NCKAP5: variants seen among roughly 807,000 people sequenced by gnomAD.
NCKAP5 encodes nck-associated protein 5.
In NCKAP5, 92 loss-of-function variants were observed where a neutral mutation model predicts 167.0. The observed-to-expected ratio is 0.55, with a 90% CI of 0.47 to 0.66. The LOEUF (loss-of-function observed/expected upper bound fraction) is 0.66. Ranked by LOEUF, NCKAP5 falls within the 30% of genes least tolerant of loss-of-function variation. NCKAP5 has a pLI of 0.00. For missense variants in NCKAP5, 2,378 were observed against 2,315.0 expected (o/e 1.03, Z -0.56); for synonymous variants, 891 against 877.4 (o/e 1.02, Z -0.27).
intron 5 of NCKAP5, among the ~76,000 whole-genome samples, chr2:133,207,044 G>A (rs958384018): frequency 1.3e-5 from 2 of 152,048 alleles, no homozygotes; most frequent in East Asian, 1.9e-4. Flanking sequence ...GGACATAGAC[G>A]CTCATCAGTA....
chr2:133,445,338 CT>C (rs1691127766), intron 3 of NCKAP5, among the ~76,000 whole-genome samples: 1 of 152,170 alleles, frequency 6.6e-6, no homozygotes, highest in African/African-American at 2.4e-5. Flanking sequence ...AAAGCAACTA[CT>C]TTTTGGGCAA....
the NCKAP5 span, among the ~76,000 whole-genome samples, chr2:133,645,187 A>G: frequency 5.9e-5 from 9 of 152,236 alleles, no homozygotes; most frequent in African/African-American, 2.2e-4. Context: ...AAGCAAAAGA[A>G]AATTAAAGGA....
At chr2:133,392,600 C>T (rs1687487160) in intron 3 of NCKAP5, among the ~76,000 whole-genome samples, 1 of 152,034 alleles carries the variant, frequency 6.6e-6, no homozygotes, top group Non-Finnish European at 1.5e-5. Context: ...TATTTCACAA[C>T]CTAGAACAAT....
intron 2 of NCKAP5, among the ~76,000 whole-genome samples, chr2:133,533,464 T>C (rs1685522062): frequency 6.6e-6 from 1 of 152,232 alleles, no homozygotes; most frequent in Non-Finnish European, 1.5e-5. Context: ...TTCCTCTTTC[T>C]CTAAAGTTTG....
Position 133,466,551 on chromosome 2 carries a change from G to T in NCKAP5, c.69+50907C>A, listed in dbSNP as rs1393257897. Among the ~76,000 whole-genome samples, 61 of 151,406 alleles carry T rather than the reference G, an allele frequency of 4.0e-4. 1 individual carries two copies. The East Asian group carries it at 4.3e-3, about 11-fold the overall frequency. ...GTTTTTTCCAATTCTGTGAAGAAAG[G>T]CATTGGTAGCTTGATGGGGATGGCA... On this transcript the variant is annotated intron_variant, in intron 3 of 19. Transcript: ENST00000409261.
chr2:133,151,853 G>T (rs1248676194), intron 5 of NCKAP5, among the ~76,000 whole-genome samples: 1 of 152,096 alleles, frequency 6.6e-6, no homozygotes, highest in African/African-American at 2.4e-5. Flanking sequence ...TGTAATTGTA[G>T]CTACTCAGGA....
At chr2:132,847,956 T>C (rs1688794209) in intron 11 of NCKAP5, among the ~76,000 whole-genome samples, 1 of 152,226 alleles carries the variant, frequency 6.6e-6, no homozygotes, top group Non-Finnish European at 1.5e-5. Flanking sequence ...ATGTAAATAT[T>C]CTTCAGAAAC....
At chr2:133,059,903 GT>G (rs1252331347) in intron 6 of NCKAP5, among the ~76,000 whole-genome samples, 2 of 151,454 alleles carry the variant, frequency 1.3e-5, no homozygotes, top group Non-Finnish European at 2.9e-5. Flanking sequence ...AGAAATGACT[GT>G]TTTACTTTGA....
At chr2:133,153,833 C>CTTTTTTTTT (rs570596198) in intron 5 of NCKAP5, among the ~76,000 whole-genome samples, 9 of 109,744 alleles carry the variant, frequency 8.2e-5, no homozygotes, top group East Asian at 2.7e-4. Flanking sequence ...GTTCCTCCTT[C>CTTTTTTTTT]TTTTTTTTTT....
intron 19 of NCKAP5, among the ~76,000 whole-genome samples, chr2:132,712,612 A>G (rs1361883832): frequency 6.6e-6 from 1 of 152,170 alleles, no homozygotes; most frequent in Non-Finnish European, 1.5e-5. Flanking sequence ...AGATTGTGCC[A>G]CTGCACTCCA....
intron 2 of NCKAP5, among the ~76,000 whole-genome samples, chr2:133,526,082 A>G (rs1684845397): frequency 1.3e-5 from 2 of 151,900 alleles, no homozygotes. Context: ...TATATTCTAT[A>G]CCTATTTTGT....
intron 6 of NCKAP5, among the ~76,000 whole-genome samples, chr2:133,111,876 A>C (rs6712988): frequency 0.26 from 39,080 of 152,002 alleles, 5,953 homozygotes; most frequent in East Asian, 0.52. Flanking sequence ...AATCACTTGA[A>C]ACTTTCACTC....
chr2:132,672,234 C>T lies in NCKAP5; in HGVS notation c.*1055G>A, dbSNP rs981666656. 2 of 152,382 alleles carry T rather than the reference C, an allele frequency of 1.3e-5. No individual in the cohort carries two copies. The highest frequency in any genetic ancestry group is 4.8e-5 in the African/African-American group (2 of 41,368). 9.4% of individuals were successfully genotyped at this position (152,382 alleles called of 1,614,324 possible). On this transcript the variant is annotated 3_prime_UTR_variant, in exon 20 of 20. Transcript: ENST00000409261. ...AGTGCCCAGATTTTAATAAAAAGAG[C>T]AAGAAGATAAAAATCAAATAATATT... is the stretch of plus-strand genomic sequence containing the variant.
chr2:133,172,914 A>C (rs2084309221), intron 5 of NCKAP5, among the ~76,000 whole-genome samples: 1 of 151,386 alleles, frequency 6.6e-6, no homozygotes, highest in Admixed American at 6.6e-5. Flanking sequence ...CAAACACCTG[A>C]CCTCAGGTGA....
At chr2:133,347,510 G>A (rs904235322) in intron 3 of NCKAP5, among the ~76,000 whole-genome samples, 13 of 152,096 alleles carry the variant, frequency 8.5e-5, no homozygotes, top group African/African-American at 3.1e-4. Context: ...CCAAGATTAT[G>A]CCATTGCATT....
intron 6 of NCKAP5, among the ~76,000 whole-genome samples, chr2:133,065,171 C>T (rs2080147353): frequency 6.6e-6 from 1 of 152,156 alleles, no homozygotes; most frequent in South Asian, 2.1e-4. Flanking sequence ...AGCCTGACAA[C>T]AGCCATAGTT....
intron 6 of NCKAP5, among the ~76,000 whole-genome samples, chr2:133,128,239 G>A (rs890007205): frequency 2.0e-5 from 3 of 152,210 alleles, no homozygotes; most frequent in African/African-American, 7.2e-5. Context: ...GTTTTCTCAT[G>A]ACGATTTTAG....
chr2:133,618,491 G>A, the NCKAP5 span, among the ~76,000 whole-genome samples: 63 of 147,718 alleles, frequency 4.3e-4, no homozygotes, highest in East Asian at 1.2e-3. Context: ...AAAAGTGGGC[G>A]AAGGACATGA....
At chr2:133,327,597 A>G (rs542797939) in intron 3 of NCKAP5, among the ~76,000 whole-genome samples, 31 of 152,316 alleles carry the variant, frequency 2.0e-4, no homozygotes, top group Non-Finnish European at 3.1e-4. Flanking sequence ...AATGGAAGAA[A>G]GGAATAAAAA....
Sources: allele counts gnomAD v4.1 joint callset (sites outside exome capture counted in the v4.1 genomes callset), GRCh38; gene constraint gnomAD v4.1.1; transcripts MANE v1.5; gene names NCBI Gene and HGNC (gene_info 2026-07-23, HGNC 2026-07-21).